DLGAP1: variants seen among roughly 807,000 people sequenced by gnomAD.
The protein encoded by DLGAP1 is DLG associated protein 1, also known as disks large-associated protein 1.
DLGAP1 carries 11 observed loss-of-function variants against 90.8 expected under a neutral mutation model. The observed-to-expected ratio is 0.12, with a 90% CI of 0.08 to 0.20. DLGAP1 has a LOEUF of 0.20. Among genes scored for constraint, DLGAP1 ranks in the 10% least tolerant of loss-of-function variants. The pLI is 1.00. For synonymous variants in DLGAP1, 558 were observed against 540.7 expected (o/e 1.03, Z -0.44); for missense variants, 1,050 against 1,333.8 (o/e 0.79, Z 3.31).
intron 3 of DLGAP1, among the ~76,000 whole-genome samples, chr18:3,968,011 T>C (rs1276097143): frequency 6.6e-6 from 1 of 152,152 alleles, no homozygotes; most frequent in Admixed American, 6.5e-5. Context: ...TCACTACCAA[T>C]AAATCATCTT....
At chr18:4,393,597 G>C (rs1256601639) in intron 1 of DLGAP1, among the ~76,000 whole-genome samples, 3 of 152,262 alleles carry the variant, frequency 2.0e-5, no homozygotes, top group African/African-American at 7.2e-5. Context: ...ACCATAATTT[G>C]TAATGAAATT....
chr18:4,344,962 T>C (rs1050852720), intron 1 of DLGAP1, among the ~76,000 whole-genome samples: 1 of 152,234 alleles, frequency 6.6e-6, no homozygotes, highest in African/African-American at 2.4e-5. Context: ...GTCCTCCATG[T>C]TAATATTCAA....
At chr18:4,204,643 G>C (rs765724118) in intron 1 of DLGAP1, among the ~76,000 whole-genome samples, 27 of 152,036 alleles carry the variant, frequency 1.8e-4, no homozygotes, top group Admixed American at 1.3e-3. Flanking sequence ...AAGATATATG[G>C]TGTGCTCAAT....
chr18:3,763,105 T>C (rs1018469223), intron 5 of DLGAP1, among the ~76,000 whole-genome samples: 2 of 152,270 alleles, frequency 1.3e-5, no homozygotes, highest in South Asian at 2.1e-4. Flanking sequence ...GAGATTAACA[T>C]TGGAGTCAGT....
chr18:3,837,178 T>C (rs771917405), intron 4 of DLGAP1, among the ~76,000 whole-genome samples: 1 of 152,248 alleles, frequency 6.6e-6, no homozygotes, highest in Non-Finnish European at 1.5e-5. Context: ...GGTGCTATGA[T>C]GTAACAGGAT....
intron 1 of DLGAP1, among the ~76,000 whole-genome samples, chr18:4,359,448 C>G (rs2081588147): frequency 6.6e-6 from 1 of 152,178 alleles, no homozygotes; most frequent in African/African-American, 2.4e-5. Flanking sequence ...ATCATACCCC[C>G]TTTTTCCAGT....
chr18:3,624,346 G>A (rs2058214318), intron 7 of DLGAP1, among the ~76,000 whole-genome samples: 1 of 152,242 alleles, frequency 6.6e-6, no homozygotes, highest in South Asian at 2.1e-4. Flanking sequence ...ATGTGTGCCT[G>A]TCGCCCTGGG....
At chr18:4,129,745 T>C (rs973119422) in intron 2 of DLGAP1, among the ~76,000 whole-genome samples, 1 of 152,168 alleles carries the variant, frequency 6.6e-6, no homozygotes, top group African/African-American at 2.4e-5. Context: ...AATGGGATTC[T>C]GTCTACAGCT....
rs76208013 is a variant in DLGAP1, at chr18:4,261,031, C to A, written c.-266-109744G>T. On this transcript the variant is annotated intron_variant, in intron 1 of 12. Transcript: ENST00000315677. Reference sequence around the variant, plus strand: ...AATGAGAGTGTGTAAAGGACAAACACGAATCTTTTCATGCCCTGATTCTGT... The same window carrying A: ...AATGAGAGTGTGTAAAGGACAAACAAGAATCTTTTCATGCCCTGATTCTGT... 8.5e-5 allele frequency among the ~76,000 whole-genome samples: 13 copies of A among 152,270 alleles called. No homozygotes were observed. The East Asian group carries it at 1.9e-3, about 23-fold the overall frequency.
chr18:3,637,555 A>G (rs999657373), intron 7 of DLGAP1, among the ~76,000 whole-genome samples: 2 of 145,052 alleles, frequency 1.4e-5, no homozygotes, highest in African/African-American at 5.3e-5. Context: ...GCAACATGGC[A>G]AAACCCTGTC....
chr18:3,693,021 G>C (rs1256500323), intron 7 of DLGAP1, among the ~76,000 whole-genome samples: 2 of 152,184 alleles, frequency 1.3e-5, no homozygotes, highest in Non-Finnish European at 2.9e-5. Flanking sequence ...AGGTATTCTG[G>C]CTTTTTCAGT....
intron 2 of DLGAP1, among the ~76,000 whole-genome samples, chr18:4,027,888 A>G (rs1245761723): frequency 6.6e-6 from 1 of 152,186 alleles, no homozygotes; most frequent in Non-Finnish European, 1.5e-5. Context: ...ACTCCACTTA[A>G]GCTGCTCCTT....
At chr18:4,150,479 C>G (rs2076656984) in intron 2 of DLGAP1, among the ~76,000 whole-genome samples, 1 of 152,260 alleles carries the variant, frequency 6.6e-6, no homozygotes, top group South Asian at 2.1e-4. Flanking sequence ...CAACCTGTGC[C>G]TTCCAGGTTC....
At chr18:4,188,330 T>A (rs1234833230) in intron 1 of DLGAP1, among the ~76,000 whole-genome samples, 1 of 152,164 alleles carries the variant, frequency 6.6e-6, no homozygotes, top group Admixed American at 6.6e-5. Context: ...TATTTTAAGT[T>A]CCGGGATACA....
intron 3 of DLGAP1, among the ~76,000 whole-genome samples, chr18:3,967,722 C>T (rs1363578196): frequency 1.3e-5 from 2 of 152,144 alleles, no homozygotes; most frequent in East Asian, 1.9e-4. Flanking sequence ...GTTATTTTGT[C>T]TTAAAGAGCA....
In DLGAP1 at chr18:3,776,948, C is replaced by T. The variant is rs530288737; in HGVS notation, c.1173-34436G>A. The stretch of plus-strand genomic sequence containing the variant: ...TGGGATCACAAGTGTGGCCACCATG[C>T]CTGGTTAATTTTTAAAATTTGTTTT... On this transcript the variant is annotated intron_variant, in intron 5 of 12. Coordinates refer to ENST00000315677, the MANE Select transcript of DLGAP1 (RefSeq NM_004746.4). Among the ~76,000 whole-genome samples, 7 of 152,200 alleles carry T rather than the reference C, an allele frequency of 4.6e-5. No homozygotes were observed. In the South Asian group the frequency reaches 1.5e-3, roughly 32 times the overall value.
At chr18:3,728,301 T>TAC (rs2062265356) in intron 7 of DLGAP1, among the ~76,000 whole-genome samples, 1 of 56,434 alleles carries the variant, frequency 1.8e-5, no homozygotes, top group Admixed American at 2.4e-4. Flanking sequence ...ACGCAAATGT[T>TAC]ATATATATAT....
chr18:4,082,085 ACTC>A (rs2075616198), intron 2 of DLGAP1, among the ~76,000 whole-genome samples: 1 of 151,928 alleles, frequency 6.6e-6, no homozygotes, highest in Admixed American at 6.6e-5. Context: ...TCACACCTGT[ACTC>A]CTAGCACCTT....
chr18:4,265,552 TC>T (rs1370336029), intron 1 of DLGAP1, among the ~76,000 whole-genome samples: 2 of 141,682 alleles, frequency 1.4e-5, no homozygotes, highest in African/African-American at 2.7e-5. Context: ...TCCCCTTCCT[TC>T]CTTCCTTCCT....
Sources: gnomAD v4.1 joint callset for allele counts (sites outside exome capture counted in the v4.1 genomes callset) on GRCh38, gnomAD v4.1.1 for gene constraint, MANE v1.5 for transcripts, NCBI Gene and HGNC (gene_info 2026-07-23, HGNC 2026-07-21) for gene names.